OTOF: variants seen among roughly 807,000 people sequenced by gnomAD.
The protein encoded by OTOF is otoferlin.
A neutral mutation model predicts 236.8 loss-of-function variants in OTOF; 218 were observed. The observed-to-expected ratio is 0.92, with a 90% CI of 0.82 to 1.03. The LOEUF (loss-of-function observed/expected upper bound fraction) is 1.03, where lower values mean the gene tolerates loss of function less well. Among genes scored for constraint, OTOF ranks in the 50% least tolerant of loss-of-function variants. OTOF has a pLI of 0.00. For missense variants in OTOF, 2,590 were observed against 2,694.4 expected (o/e 0.96, Z 0.86); for synonymous variants, 1,041 against 1,072.5 (o/e 0.97, Z 0.57).
rs1176403153 is a variant in OTOF at position 26,477,413 on chromosome 2, C to T, written c.2406+3G>A. 1 of 1,582,738 alleles carries T rather than the reference C, an allele frequency of 6.3e-7. No individual in the cohort carries two copies. The highest frequency in any genetic ancestry group is 8.6e-7 in the Non-Finnish European group (1 of 1,164,738). On this transcript the variant is annotated splice_donor_region_variant and intron_variant, in intron 20 of 46. Coordinates refer to ENST00000272371, the MANE Select transcript of OTOF (RefSeq NM_194248.3). This position sits in a 1 kb window ranked among gnomAD's most constrained non-coding sequence, Gnocchi z 4.7. ...AGCCCCCGCCGTCCAGTTGCGTCCT[C>T]ACCAGCTCCCTCATGCAGGACTTGA... is the stretch of plus-strand genomic sequence containing the variant.
At chr2:26,488,935 G>A (rs1354544375) in intron 11 of OTOF, among the ~76,000 whole-genome samples, 1 of 152,258 alleles carries the variant, frequency 6.6e-6, no homozygotes, top group African/African-American at 2.4e-5. Flanking sequence ...ATGCACTCCA[G>A]AGCGTGTGAT....
rs952215190 is a variant in OTOF, at chr2:26,474,747, A to C, written c.3127-73T>G. ...CCTGTGATCTCGTTTGGTCCTTACCACAGCGCCATGAGTTGTTGTAAGGGA... is the reference window on the plus strand; with the variant it reads ...CCTGTGATCTCGTTTGGTCCTTACCCCAGCGCCATGAGTTGTTGTAAGGGA... On this transcript the variant is annotated intron_variant, in intron 25 of 46. Coordinates refer to ENST00000272371, the MANE Select transcript of OTOF (RefSeq NM_194248.3). 3.4e-5 allele frequency: 52 copies of C among 1,543,554 alleles called. 1 individual carries two copies. The Middle Eastern group carries it at 5.0e-4, about 15-fold the overall frequency.
At chr2:26,502,492 T>G (rs1047075430) in intron 6 of OTOF, 66 bp from the exon 7 acceptor site, 2 of 1,517,064 alleles carry the variant, frequency 1.3e-6, no homozygotes, top group Non-Finnish European at 1.8e-6. Flanking sequence ...TTTCTCCTTT[T>G]ACTCTGGCAT....
At chr2:26,546,054 C>A (rs1268252866) in intron 1 of OTOF, among the ~76,000 whole-genome samples, 1 of 152,080 alleles carries the variant, frequency 6.6e-6, no homozygotes, top group African/African-American at 2.4e-5. Context: ...TAACCAGAAG[C>A]CTTAATGATA....
intron 16 of OTOF, among the ~76,000 whole-genome samples, 158 bp downstream of exon 16, chr2:26,480,045 C>T (rs1331468254): frequency 6.6e-6 from 1 of 152,250 alleles, no homozygotes; most frequent in Non-Finnish European, 1.5e-5. Flanking sequence ...TTTGTGGGTG[C>T]TTGAGGCCTC....
chr2:26,516,144 T>C (rs548188009), intron 5 of OTOF, among the ~76,000 whole-genome samples: 7 of 152,304 alleles, frequency 4.6e-5, no homozygotes, highest in Admixed American at 3.9e-4. Context: ...GCCCCATCCC[T>C]GTGTTAGAGC....
chr2:26,475,601 G>A, intron 24 of OTOF, 108 bp from the exon 25 acceptor site: 1 of 1,247,086 alleles, frequency 8.0e-7, no homozygotes, highest in Non-Finnish European at 1.2e-6. Context: ...GGGGGCAGGA[G>A]TGACAGGTGT....
intron 22 of OTOF, 95 bp downstream of exon 22, chr2:26,476,796 G>T: frequency 8.9e-7 from 1 of 1,121,994 alleles, no homozygotes; most frequent in Non-Finnish European, 1.3e-6. Flanking sequence ...GCTGCTTGAA[G>T]GCCCCACCCT....
At chr2:26,479,445 C>A in intron 17 of OTOF, 28 bp downstream of exon 17, 1 of 1,604,686 alleles carries the variant, frequency 6.2e-7, no homozygotes, top group Non-Finnish European at 8.5e-7. Context: ...GAGGGCCAGG[C>A]CACAGGAGGA....
At chr2:26,493,758 G>C (rs895572828) in intron 9 of OTOF, among the ~76,000 whole-genome samples, 7 of 152,096 alleles carry the variant, frequency 4.6e-5, no homozygotes, top group African/African-American at 1.7e-4. Context: ...AGGGGAGCGG[G>C]GTATAACCTT....
At chr2:26,491,474 T>C (rs1388084767) in intron 9 of OTOF, among the ~76,000 whole-genome samples, 1 of 152,206 alleles carries the variant, frequency 6.6e-6, no homozygotes, top group Non-Finnish European at 1.5e-5. Flanking sequence ...TGGGTCTTCA[T>C]GGTTGTACTT....
rs559636042 is a variant in OTOF at position 26,468,607 on chromosome 2, C to T, written c.4024-133G>A. On this transcript the variant is annotated intron_variant, in intron 32 of 46. Coordinates refer to ENST00000272371, the MANE Select transcript of OTOF (RefSeq NM_194248.3). ...TCTTCCCTACTGCATTTCAAGTCCA[C>T]CATGTGCTCTGCTTAAGTGGGTTAA... 2.7e-4 allele frequency: 211 copies of T among 769,870 alleles called. 2 individuals carry two copies. The African/African-American group carries it at 3.3e-3, about 12-fold the overall frequency. 47.7% of individuals were successfully genotyped at this position (769,870 alleles called of 1,614,324 possible).
chr2:26,475,278 A>C (rs922424594), intron 25 of OTOF, 81 bp downstream of exon 25: 2 of 1,521,230 alleles, frequency 1.3e-6, no homozygotes, highest in African/African-American at 2.7e-5. Flanking sequence ...GTGAGGGCAC[A>C]GCCTCAGCGC....
In OTOF at chr2:26,460,824, T is replaced by C; in HGVS notation, c.5712+28A>G. The C allele has an allele frequency of 6.2e-7, 1 of 1,614,002 alleles. No homozygotes were observed. The highest frequency in any genetic ancestry group is 8.5e-7 in the Non-Finnish European group (1 of 1,179,920). On this transcript the variant is annotated intron_variant, in intron 44 of 46. Transcript: ENST00000272371. This position sits in a 1 kb window ranked among gnomAD's most constrained non-coding sequence, Gnocchi z 5.3. ...CACCCCAGCCAGTCCCAGCCCTGCCTACTGCCCGAGCAGGAAGGGGTGCGC... is the reference window on the plus strand; with the variant it reads ...CACCCCAGCCAGTCCCAGCCCTGCCCACTGCCCGAGCAGGAAGGGGTGCGC...
intron 46 of OTOF, among the ~76,000 whole-genome samples, chr2:26,459,413 G>T (rs975949946): frequency 6.6e-6 from 1 of 152,148 alleles, no homozygotes; most frequent in South Asian, 2.1e-4. Context: ...TTATCCAGGC[G>T]TGGTGGCGGG....
chr2:26,501,856 T>G (rs368182554), intron 7 of OTOF, 48 bp from the exon 8 acceptor site: 8 of 1,436,962 alleles, frequency 5.6e-6, no homozygotes, highest in Non-Finnish European at 7.9e-6. Flanking sequence ...GGACTGCTTG[T>G]TGGGGAGGAG....
rs926541147 is a variant in OTOF, at chr2:26,472,513, C to T, written c.3864+6G>A. 6.2e-7 allele frequency: 1 copy of T among 1,613,480 alleles called. No homozygotes were observed. The highest frequency in any genetic ancestry group is 8.5e-7 in the Non-Finnish European group (1 of 1,180,002). Reference sequence around the variant, plus strand: ...GCCAGCAGGGGGCTGACCCCACCCGCCTTACCGCGTCCAGCTTCACCATGG... The same window carrying T: ...GCCAGCAGGGGGCTGACCCCACCCGTCTTACCGCGTCCAGCTTCACCATGG... On this transcript the variant is annotated splice_donor_region_variant and intron_variant, in intron 30 of 46. Transcript: ENST00000272371.
At chr2:26,515,962 G>A (rs1407630834) in intron 5 of OTOF, among the ~76,000 whole-genome samples, 1 of 152,188 alleles carries the variant, frequency 6.6e-6, no homozygotes, top group Non-Finnish European at 1.5e-5. Context: ...GGCCCAGCCA[G>A]GATCTTTGGC....
intron 36 of OTOF, 58 bp downstream of exon 36, chr2:26,466,656 C>T: frequency 6.2e-7 from 1 of 1,601,560 alleles, no homozygotes; most frequent in Non-Finnish European, 8.6e-7. Context: ...CTTCTTTGCT[C>T]TCTCCCAGAT....
Sources: gnomAD v4.1 joint callset for allele counts (sites outside exome capture counted in the v4.1 genomes callset) on GRCh38, gnomAD v4.1.1 for gene constraint, Gnocchi (gnomAD v3.1) non-coding constraint, MANE v1.5 for transcripts, NCBI Gene and HGNC (gene_info 2026-07-23, HGNC 2026-07-21) for gene names.